The following SRFBP1 variants were observed in gnomAD, a reference collection of about 807,000 sequenced individuals.
SRFBP1 encodes serum response factor binding protein 1, also known as serum response factor-binding protein 1.
Under a neutral mutation model 45.5 loss-of-function variants are expected in SRFBP1, and 47 were observed. The ratio of observed to expected loss-of-function variants is 1.03; its 90% confidence interval spans 0.82 to 1.32. The LOEUF is 1.32. Among genes scored for constraint, SRFBP1 ranks in the 40% most tolerant of loss-of-function variants. The probability of loss-of-function intolerance (pLI) is 0.00; values close to 1 mark genes in which losing one functional copy is unlikely to be tolerated. For missense variants in SRFBP1, 621 were observed against 484.6 expected, an observed-to-expected ratio of 1.28 and a Z score of -2.64; for synonymous variants, 203 against 166.3, an observed-to-expected ratio of 1.22 and a Z score of -1.70.
intron 4 of SRFBP1, among the ~76,000 whole-genome samples, chr5:122,006,637 A>G (rs939625937): frequency 2.6e-5 from 4 of 151,398 alleles, no homozygotes; most frequent in African/African-American, 9.7e-5. Context: ...CACATAACCT[A>G]TTTTCATGTT....
At chr5:122,041,214 G>C (rs779712622) in intron 2 of SRFBP1, among the ~76,000 whole-genome samples, 3 of 152,066 alleles carry the variant, frequency 2.0e-5, no homozygotes, top group Non-Finnish European at 4.4e-5. Flanking sequence ...ATGGGAGAGA[G>C]AGTGATGGAT....
At chr5:121,968,761 T>A (rs534343010) in intron 1 of SRFBP1, among the ~76,000 whole-genome samples, 1 of 152,290 alleles carries the variant, frequency 6.6e-6, no homozygotes, top group African/African-American at 2.4e-5. Context: ...CAGCAGTGTA[T>A]TTGTCTGTTT....
intron 3 of SRFBP1, among the ~76,000 whole-genome samples, chr5:121,975,798 A>AG (rs1305648544): frequency 6.6e-6 from 1 of 151,820 alleles, no homozygotes; most frequent in Admixed American, 6.6e-5. Context: ...ATAAATTTTT[A>AG]TGTATTGGTA....
chr5:122,040,663 G>C (rs1465479864), intron 2 of SRFBP1, among the ~76,000 whole-genome samples: 1 of 152,096 alleles, frequency 6.6e-6, no homozygotes. Flanking sequence ...TGAATTAGTT[G>C]ATATCGTAGG....
At chr5:122,059,519 T>G (rs1754138966) in intron 2 of SRFBP1, among the ~76,000 whole-genome samples, 1 of 152,072 alleles carries the variant, frequency 6.6e-6, no homozygotes, top group African/African-American at 2.4e-5. Flanking sequence ...CAGCAAAATC[T>G]ATGTGTAAAT....
rs768853538 is a variant in SRFBP1 at position 122,075,513 on chromosome 5, A to G, written n.510A>G. ...AATCTGAGCAGCACCCTGTGATCAT[A>G]ATCTCTGACATCTGCCCTGTATGCT... On this transcript the variant is annotated non_coding_transcript_exon_variant, in exon 3 of 3. Coordinates refer to the SRFBP1 transcript ENST00000504881. The G allele has an allele frequency of 5.6e-6, 9 of 1,611,944 alleles. No individual in the cohort carries two copies. Among genetic ancestry groups the G allele is most frequent in the South Asian group, 4.4e-5 (4 of 90,634 alleles).
At chr5:122,040,784 A>C (rs1268743855) in intron 2 of SRFBP1, among the ~76,000 whole-genome samples, 1 of 152,150 alleles carries the variant, frequency 6.6e-6, no homozygotes, top group Non-Finnish European at 1.5e-5. Context: ...TGAGTGCTTG[A>C]ATTTATGTTC....
At chr5:122,014,316 A>C (rs956810561) in intron 4 of SRFBP1, among the ~76,000 whole-genome samples, 2 of 152,074 alleles carry the variant, frequency 1.3e-5, no homozygotes, top group Non-Finnish European at 2.9e-5. Flanking sequence ...CTACATAACT[A>C]CTCATTTTAT....
intron 4 of SRFBP1, 52 bp from the exon 5 acceptor site, chr5:122,019,208 A>T: frequency 7.0e-7 from 1 of 1,422,022 alleles, no homozygotes; most frequent in Non-Finnish European, 9.9e-7. Context: ...CACTTTCAAT[A>T]GTGTCATTTT....
intron 2 of SRFBP1, among the ~76,000 whole-genome samples, chr5:122,057,395 TGAGA>T (rs1205656776): frequency 6.6e-6 from 1 of 152,106 alleles, no homozygotes; most frequent in East Asian, 1.9e-4. Flanking sequence ...AGCTCATTAA[TGAGA>T]GAAACAAATA....
At chr5:122,051,490 C>T (rs568456416) in intron 2 of SRFBP1, among the ~76,000 whole-genome samples, 12 of 150,196 alleles carry the variant, frequency 8.0e-5, no homozygotes, top group Non-Finnish European at 8.9e-5. Context: ...GAATTAAACG[C>T]TTTATCATTA....
At chr5:122,069,084 A>G (rs796582444) in intron 2 of SRFBP1, among the ~76,000 whole-genome samples, 27 of 152,174 alleles carry the variant, frequency 1.8e-4, no homozygotes, top group African/African-American at 3.4e-4. Flanking sequence ...GGCTTCATCT[A>G]TCTCTAATGT....
chr5:121,989,186 C>T (rs1752576638), intron 3 of SRFBP1, among the ~76,000 whole-genome samples: 1 of 152,068 alleles, frequency 6.6e-6, no homozygotes, highest in Non-Finnish European at 1.5e-5. Flanking sequence ...ACCTCAGCCT[C>T]CTGAGTAGCT....
At chr5:121,989,978 T>G (rs1178749033) in intron 3 of SRFBP1, among the ~76,000 whole-genome samples, 1 of 152,206 alleles carries the variant, frequency 6.6e-6, no homozygotes, top group African/African-American at 2.4e-5. Flanking sequence ...TTGAATTTTT[T>G]CCTAATAAGA....
chr5:121,994,423 ATTCCGTTATATTC>A (rs1752676409), intron 3 of SRFBP1, among the ~76,000 whole-genome samples, 163 bp from the exon 4 acceptor site: 1 of 151,994 alleles, frequency 6.6e-6, no homozygotes, highest in East Asian at 1.9e-4. Context: ...ACTAATTCAC[ATTCCGTTATATTC>A]CTGATGTTTC....
Position 122,037,473 on chromosome 5 carries a change from T to C in SRFBP1, n.311+15066T>C, listed in dbSNP as rs1753711474. Among the ~76,000 whole-genome samples, 3 of 152,198 alleles carry C rather than the reference T, an allele frequency of 2.0e-5. No homozygotes were observed. The South Asian group carries it at 6.2e-4, about 32-fold the overall frequency. ...TCCATGTTTTCCTCTTGTATTTTTATAGCTATATGTTTAAATGTAGCTCTT... is the reference window on the plus strand; with the variant it reads ...TCCATGTTTTCCTCTTGTATTTTTACAGCTATATGTTTAAATGTAGCTCTT... On this transcript the variant is annotated intron_variant and non_coding_transcript_variant, in intron 2 of 2. Transcript: ENST00000504881.
chr5:122,022,977 T>A (rs1002237191), intron 7 of SRFBP1, among the ~76,000 whole-genome samples: 2 of 152,216 alleles, frequency 1.3e-5, no homozygotes, highest in African/African-American at 4.8e-5. Flanking sequence ...GCTTCTTCCA[T>A]CTTTTGGCGT....
At chr5:122,023,707 G>A (rs1275553668) in intron 7 of SRFBP1, among the ~76,000 whole-genome samples, 1 of 152,080 alleles carries the variant, frequency 6.6e-6, no homozygotes, top group African/African-American at 2.4e-5. Context: ...CAAGTCACTG[G>A]TACAAATATA....
intron 3 of SRFBP1, 118 bp downstream of exon 3, chr5:121,975,505 G>T (rs1405255673): frequency 9.5e-7 from 1 of 1,053,632 alleles, no homozygotes. Context: ...AAGACATCTT[G>T]TATCAGTCTG....
Sources: allele counts gnomAD v4.1 joint callset (sites outside exome capture counted in the v4.1 genomes callset), GRCh38; gene constraint gnomAD v4.1.1; transcripts MANE v1.5; gene names NCBI Gene and HGNC (gene_info 2026-07-23, HGNC 2026-07-21).